Variants in ACTR3C observed in about 807,000 individuals in gnomAD.
ACTR3C encodes the protein actin related protein 3C.
ACTR3C carries 18 observed loss-of-function variants against 26.3 expected under a neutral mutation model. That is an observed-to-expected ratio of 0.68 (90% CI 0.47 to 1.01). The LOEUF (loss-of-function observed/expected upper bound fraction) is 1.01, where lower values mean the gene tolerates loss of function less well. Among genes scored for constraint, ACTR3C ranks in the 50% least tolerant of loss-of-function variants. The pLI, the probability that ACTR3C is intolerant of heterozygous loss-of-function variation, is 0.00. For missense variants in ACTR3C, 184 were observed against 250.7 expected, an observed-to-expected ratio of 0.73 and a Z score of 1.80; for synonymous variants, 55 against 94.5, an observed-to-expected ratio of 0.58 and a Z score of 2.42.
the ACTR3C span, among the ~76,000 whole-genome samples, chr7:150,039,192 G>T: frequency 2.7e-5 from 4 of 148,258 alleles, no homozygotes; most frequent in African/African-American, 7.6e-5. Flanking sequence ...GCCTCGCGGG[G>T]GGTGCCTCCC....
chr7:149,894,135 T>C, the ACTR3C span, among the ~76,000 whole-genome samples: 1 of 152,172 alleles, frequency 6.6e-6, no homozygotes, highest in African/African-American at 2.4e-5. Flanking sequence ...GTATTTACAC[T>C]CAACTGATTT....
the ACTR3C span, among the ~76,000 whole-genome samples, chr7:150,154,715 T>A: frequency 6.6e-6 from 1 of 152,064 alleles, no homozygotes; most frequent in Non-Finnish European, 1.5e-5. Flanking sequence ...ACATGTTGAC[T>A]AAATCACCAC....
chr7:150,067,200 C>T, the ACTR3C span, among the ~76,000 whole-genome samples: 1 of 152,198 alleles, frequency 6.6e-6, no homozygotes, highest in Non-Finnish European at 1.5e-5. Context: ...GCAGCGTAGC[C>T]AGGAGTTCCT....
the ACTR3C span, among the ~76,000 whole-genome samples, chr7:150,225,527 C>T: frequency 0.021 from 3,157 of 152,236 alleles, 102 homozygotes; most frequent in African/African-American, 0.073. Context: ...GGTATCAGAA[C>T]GTTTAACCTG....
At chr7:149,974,561 A>G in the ACTR3C span, among the ~76,000 whole-genome samples, 1 of 152,044 alleles carries the variant, frequency 6.6e-6, no homozygotes, top group Non-Finnish European at 1.5e-5. Flanking sequence ...CCACGCCACC[A>G]CCACCTCTGA....
chr7:149,954,578 C>G, the ACTR3C span, among the ~76,000 whole-genome samples: 2 of 152,110 alleles, frequency 1.3e-5, no homozygotes, highest in African/African-American at 4.8e-5. Flanking sequence ...TATCCAATGC[C>G]AACTATATTC....
At chr7:149,921,289 C>T in the ACTR3C span, among the ~76,000 whole-genome samples, 1 of 152,260 alleles carries the variant, frequency 6.6e-6, no homozygotes, top group South Asian at 2.1e-4. Flanking sequence ...CCCACAGCTT[C>T]CATCTTCTTT....
chr7:150,248,803 C>G, intron 7 of ACTR3C, 145 bp downstream of exon 7: 1 of 419,102 alleles, frequency 2.4e-6, no homozygotes, highest in Non-Finnish European at 4.2e-6. Flanking sequence ...GACTCAGGTG[C>G]TGGGATTACC....
the ACTR3C span, among the ~76,000 whole-genome samples, chr7:149,919,438 A>G: frequency 1.1e-4 from 16 of 151,974 alleles, no homozygotes; most frequent in African/African-American, 3.6e-4. Flanking sequence ...ACGGGGTTTC[A>G]CCATGTTGGC....
the ACTR3C span, chr7:149,881,963 TG>T: frequency 1.2e-4 from 18 of 146,948 alleles, no homozygotes; most frequent in African/African-American, 4.7e-4. Flanking sequence ...AGTGGGCAGG[TG>T]GGGGGTGAGA....
chr7:150,185,274 G>GGGGTGTGTGTGTGTGTGT, the ACTR3C span, among the ~76,000 whole-genome samples: 2 of 124,154 alleles, frequency 1.6e-5, no homozygotes, highest in African/African-American at 6.1e-5. Context: ...TTAAATGTCA[G>GGGGTGTGTGTGTGTGTGT]GCGTGTGTGT....
At chr7:150,162,407 C>T in the ACTR3C span, among the ~76,000 whole-genome samples, 1 of 151,992 alleles carries the variant, frequency 6.6e-6, no homozygotes, top group South Asian at 2.1e-4. Flanking sequence ...CTCACTGCAA[C>T]CTCTGCCTCC....
intron 1 of ACTR3C, among the ~76,000 whole-genome samples, chr7:150,321,477 C>G (rs1002070090): frequency 2.0e-5 from 3 of 152,190 alleles, no homozygotes; most frequent in Non-Finnish European, 2.9e-5. Flanking sequence ...GGGTGGCACA[C>G]ACCTGCAATC....
chr7:150,175,276 C>T, the ACTR3C span, among the ~76,000 whole-genome samples: 3 of 148,056 alleles, frequency 2.0e-5, no homozygotes, highest in Admixed American at 6.6e-5. Context: ...GTGGAGAGCA[C>T]GTGGGCAAAC....
chr7:149,976,335 G>A, the ACTR3C span, among the ~76,000 whole-genome samples: 1 of 152,158 alleles, frequency 6.6e-6, no homozygotes, highest in African/African-American at 2.4e-5. Flanking sequence ...AGCACTTTGG[G>A]AGGCTGAGGC....
chr7:149,938,795 A>G, the ACTR3C span, among the ~76,000 whole-genome samples: 4 of 151,712 alleles, frequency 2.6e-5, no homozygotes, highest in Non-Finnish European at 4.4e-5. Context: ...GGTTTAACCA[A>G]AATTGAAACA....
the ACTR3C span, among the ~76,000 whole-genome samples, chr7:150,197,605 T>C: frequency 6.6e-6 from 1 of 152,236 alleles, no homozygotes; most frequent in Non-Finnish European, 1.5e-5. Flanking sequence ...AAGTTAATGC[T>C]TGTTAGTCGA....
chr7:150,319,691 G>C (rs1381316051), intron 1 of ACTR3C, among the ~76,000 whole-genome samples: 1 of 152,174 alleles, frequency 6.6e-6, no homozygotes, highest in Admixed American at 6.5e-5. Context: ...CCAGACTCCA[G>C]TCTTGACAAT....
the ACTR3C span, among the ~76,000 whole-genome samples, chr7:150,132,627 A>G: frequency 7.2e-5 from 11 of 152,238 alleles, no homozygotes; most frequent in African/African-American, 2.4e-4. Flanking sequence ...AATGCTGTCA[A>G]GGCTACAGAG....
Sources: gnomAD v4.1 joint callset for allele counts (sites outside exome capture counted in the v4.1 genomes callset) on GRCh38, gnomAD v4.1.1 for gene constraint, MANE v1.5 for transcripts, NCBI Gene and HGNC (gene_info 2026-07-23, HGNC 2026-07-21) for gene names.